Variants in ZDHHC8 observed in about 807,000 individuals in gnomAD.
The protein encoded by ZDHHC8 is zDHHC palmitoyltransferase 8.
In ZDHHC8, 24 loss-of-function variants were observed where a neutral mutation model predicts 61.2. That is an observed-to-expected ratio of 0.39 (90% CI 0.28 to 0.55). The LOEUF (loss-of-function observed/expected upper bound fraction) is 0.55. ZDHHC8 is among the 20% of genes least tolerant of loss of function. The pLI is 0.60. For missense variants in ZDHHC8, 935 were observed against 1,102.1 expected (o/e 0.85, Z 2.15); for synonymous variants, 523 against 492.5 (o/e 1.06, Z -0.82).
Position 20,140,066 on chromosome 22 carries a change from G to A in ZDHHC8, c.558-49G>A, listed in dbSNP as rs543850093. The A allele has an allele frequency of 4.7e-5, 76 of 1,605,694 alleles. No homozygotes were observed. In the South Asian group the frequency reaches 5.2e-4, roughly 11 times the overall value. On this transcript the variant is annotated intron_variant, in intron 4 of 10. Transcript: ENST00000334554. Reference sequence around the variant, plus strand: ...ACAGGCACCTGCTCTGTGCTGCTGCGATGGGGTCTGCGGTGTCCTGGCCTG... The same window carrying A: ...ACAGGCACCTGCTCTGTGCTGCTGCAATGGGGTCTGCGGTGTCCTGGCCTG...
chr22:20,146,021 A>G lies in ZDHHC8; in HGVS notation c.*621A>G. ...CAGCTGTGGCCGGGGGCCCGGCTCC[A>G]TGTGTCCCGTGTCTGTGTGCTGTGC... On this transcript the variant is annotated 3_prime_UTR_variant, in exon 11 of 11. Coordinates refer to ENST00000334554, the MANE Select transcript of ZDHHC8 (RefSeq NM_013373.4). 1 of 985,992 alleles carries G rather than the reference A, an allele frequency of 1.0e-6. No individual in the cohort carries two copies. Among genetic ancestry groups the G allele is most frequent in the Non-Finnish European group, 1.2e-6 (1 of 830,180 alleles). The allele number at this position is 985,992 out of a possible 1,614,324, so 61.1% of individuals were successfully genotyped here.
intron 4 of ZDHHC8, 60 bp downstream of exon 4, chr22:20,139,952 C>T (rs1159967666): frequency 6.3e-7 from 1 of 1,599,116 alleles, no homozygotes; most frequent in East Asian, 2.2e-5. Context: ...ACACGTTCAC[C>T]AGGGAGATTG....
At chr22:20,134,715 A>G (rs956694325) in intron 1 of ZDHHC8, among the ~76,000 whole-genome samples, 2 of 152,206 alleles carry the variant, frequency 1.3e-5, no homozygotes, top group Non-Finnish European at 2.9e-5. Context: ...TCTGGGTGTC[A>G]TGTGGTGTGG....
rs1338604026 is a variant in ZDHHC8 at position 20,140,655 on chromosome 22, C to G, written c.699C>G (p.Thr233=). ...TCCGCGGGGGTGTGAACCCTTTCAC[C>G]CGAGGCTGCTGTGGGAATGTGGAGC... is the stretch of plus-strand genomic sequence containing the variant. The part of the protein sequence containing the change: ...GKFRGGVNPF[T]RGCCGNVEHV... Residue 233 remains threonine (T), a synonymous_variant, in exon 6 of 11, where the codon ACC becomes ACG. Transcript: ENST00000334554. The G allele has an allele frequency of 1.2e-6, 2 of 1,611,656 alleles. No individual in the cohort carries two copies. Among genetic ancestry groups the G allele is most frequent in the African/African-American group, 2.7e-5 (2 of 74,936 alleles).
chr22:20,132,844 C>A (rs1278871602), intron 1 of ZDHHC8, among the ~76,000 whole-genome samples: 5 of 152,236 alleles, frequency 3.3e-5, no homozygotes, highest in African/African-American at 1.2e-4. Flanking sequence ...TGTGGGGTCA[C>A]CCCAGGGCTC....
At chr22:20,135,151 A>G (rs1167154963) in intron 1 of ZDHHC8, among the ~76,000 whole-genome samples, 1 of 151,492 alleles carries the variant, frequency 6.6e-6, no homozygotes, top group Admixed American at 6.6e-5. Flanking sequence ...GGGTCTCGCT[A>G]TGTTGCCCAG....
chr22:20,142,454 G>A (rs2050478323), intron 9 of ZDHHC8, among the ~76,000 whole-genome samples: 1 of 152,212 alleles, frequency 6.6e-6, no homozygotes, highest in South Asian at 2.1e-4. Context: ...CGTCACAGGG[G>A]CTAGACGAGG....
chr22:20,132,022 C>G lies in ZDHHC8; in HGVS notation c.75C>G (p.Val25=), dbSNP rs952719865. ...TGGCCACGGCCGCCGCGCTGCTGGT[C>G]GGCTCCAGCACCCTCTTCTTCGTGT... The part of the protein sequence containing the change: ...IPVATAAALL[V]GSSTLFFVFT... Residue 25 remains valine (V), a synonymous_variant, in exon 1 of 11, where the codon GTC becomes GTG. Transcript: ENST00000334554. 2.2e-6 allele frequency: 3 copies of G among 1,388,912 alleles called. No individual in the cohort carries two copies. Among genetic ancestry groups the G allele is most frequent in the Non-Finnish European group, 2.8e-6 (3 of 1,055,614 alleles). 86.0% of individuals were successfully genotyped at this position (1,388,912 alleles called of 1,614,324 possible). A position where few individuals can be genotyped will look rare whatever the true frequency, so the allele number is the denominator to read the frequency against.
intron 1 of ZDHHC8, 23 bp downstream of exon 1, chr22:20,132,074 G>A: frequency 4.8e-6 from 6 of 1,251,794 alleles, no homozygotes; most frequent in South Asian, 1.8e-5. Flanking sequence ...CGCGTCTGGG[G>A]GCACGCGGGC....
chr22:20,135,017 G>A (rs1360584087), intron 1 of ZDHHC8, among the ~76,000 whole-genome samples: 1 of 152,078 alleles, frequency 6.6e-6, no homozygotes, highest in Non-Finnish European at 1.5e-5. Flanking sequence ...CTGCAGTCTC[G>A]ACCTCCTGGG....
chr22:20,146,970 A>G lies in ZDHHC8; in HGVS notation c.*1570A>G. 3 of 1,376,706 alleles carry G rather than the reference A, an allele frequency of 2.2e-6. No homozygotes were observed. Among genetic ancestry groups the G allele is most frequent in the Non-Finnish European group, 2.8e-6 (3 of 1,067,502 alleles). The allele number at this position is 1,376,706 out of a possible 1,614,324, so 85.3% of individuals were successfully genotyped here. A position where few individuals can be genotyped will look rare whatever the true frequency, so the allele number is the denominator to read the frequency against. On this transcript the variant is annotated 3_prime_UTR_variant, in exon 11 of 11. Coordinates refer to ENST00000334554, the MANE Select transcript of ZDHHC8 (RefSeq NM_013373.4). ...GAGGCGTGCGGGCTGTAGGGCCCCG[A>G]AGCTGACCTCCACCTTTCTGCTTCT... is the stretch of plus-strand genomic sequence containing the variant.
intron 7 of ZDHHC8, 93 bp downstream of exon 7, chr22:20,141,105 A>C: frequency 6.3e-7 from 1 of 1,593,162 alleles, no homozygotes; most frequent in Non-Finnish European, 8.5e-7. Flanking sequence ...TGGATGGGGC[A>C]GACAGAGCCG....
At chr22:20,132,486 C>CG (rs1434213628) in intron 1 of ZDHHC8, among the ~76,000 whole-genome samples, 5 of 152,256 alleles carry the variant, frequency 3.3e-5, no homozygotes, top group African/African-American at 1.2e-4. Flanking sequence ...CTGCCCGCCC[C>CG]GGGCCAGAGT....
Position 20,146,925 on chromosome 22 carries a change from C to CT in ZDHHC8, c.*1526dup, listed in dbSNP as rs1319864774. 1 of 1,348,336 alleles carries CT rather than the reference C, an allele frequency of 7.4e-7. No individual in the cohort carries two copies. The highest frequency in any genetic ancestry group is 9.5e-7 in the Non-Finnish European group (1 of 1,054,412). The allele number at this position is 1,348,336 out of a possible 1,614,324, so 83.5% of individuals were successfully genotyped here. A position where few individuals can be genotyped will look rare whatever the true frequency, so the allele number is the denominator to read the frequency against. On this transcript the variant is annotated 3_prime_UTR_variant, in exon 11 of 11. Coordinates refer to ENST00000334554, the MANE Select transcript of ZDHHC8 (RefSeq NM_013373.4). ...CTGTTCAGGGCTGAGACATTCTGGG[C>CT]TGGGGCTGTCCCAGCGTGGGAGGCG...
chr22:20,133,112 G>A (rs1464004887), intron 1 of ZDHHC8, among the ~76,000 whole-genome samples: 2 of 152,256 alleles, frequency 1.3e-5, no homozygotes, highest in African/African-American at 2.4e-5. Context: ...CCGTGGAGGC[G>A]AGAGAGTTAC....
intron 1 of ZDHHC8, among the ~76,000 whole-genome samples, chr22:20,138,491 T>A (rs1255967989): frequency 6.6e-6 from 1 of 152,146 alleles, no homozygotes; most frequent in Non-Finnish European, 1.5e-5. Context: ...GCACACCTTA[T>A]AGGGAAGCTG....
At chr22:20,134,901 C>T (rs1425265095) in intron 1 of ZDHHC8, among the ~76,000 whole-genome samples, 1 of 152,118 alleles carries the variant, frequency 6.6e-6, no homozygotes, top group East Asian at 1.9e-4. Context: ...CTCAGAGGCC[C>T]TCTTCCTTCA....
chr22:20,137,391 A>G (rs1419689650), intron 1 of ZDHHC8, among the ~76,000 whole-genome samples: 2 of 152,236 alleles, frequency 1.3e-5, no homozygotes, highest in Non-Finnish European at 2.9e-5. Flanking sequence ...GCTGGCAGCC[A>G]GCGCAGGTGC....
At position 20,147,107 on chromosome 22, in the gene ZDHHC8, G is replaced by A. The variant is rs111780122; in HGVS notation, c.*1707G>A. Reference sequence around the variant, plus strand: ...GGGCTGCACCTGTGCCACCTTGGCCGCCCGGAGGACCGCCCACCACTGCGG... The same window carrying A: ...GGGCTGCACCTGTGCCACCTTGGCCACCCGGAGGACCGCCCACCACTGCGG... On this transcript the variant is annotated 3_prime_UTR_variant, in exon 11 of 11. Transcript: ENST00000334554. 53 of 1,531,540 alleles carry A rather than the reference G, an allele frequency of 3.5e-5. No homozygotes were observed. The East Asian group carries it at 5.1e-4, about 15-fold the overall frequency. 94.9% of individuals were successfully genotyped at this position (1,531,540 alleles called of 1,614,324 possible). A position where few individuals can be genotyped will look rare whatever the true frequency, so the allele number is the denominator to read the frequency against.
Sources: gnomAD v4.1 joint callset for allele counts (sites outside exome capture counted in the v4.1 genomes callset) on GRCh38, gnomAD v4.1.1 for gene constraint, MANE v1.5 for transcripts, NCBI Gene and HGNC (gene_info 2026-07-23, HGNC 2026-07-21) for gene names.